Variants in ATP6AP2 observed in about 807,000 individuals in gnomAD.
ATP6AP2 encodes renin receptor.
A neutral mutation model predicts 23.4 loss-of-function variants in ATP6AP2; 1 was observed. That is an observed-to-expected ratio of 0.04 (90% CI 0.02 to 0.20). The LOEUF (loss-of-function observed/expected upper bound fraction) is 0.20. Ranked by LOEUF, ATP6AP2 falls within the 10% of genes least tolerant of loss-of-function variation. The pLI, the probability that ATP6AP2 is intolerant of heterozygous loss-of-function variation, is 1.00. For synonymous variants in ATP6AP2, 90 were observed against 97.1 expected (o/e 0.93, Z 0.43); for missense variants, 174 against 271.3 (o/e 0.64, Z 2.52).
In ATP6AP2 at chrX:40,605,682, A is replaced by G. The variant is rs183052805; in HGVS notation, c.980A>G (p.Asn327Ser). 64 of 1,207,710 alleles carry G rather than the reference A, an allele frequency of 5.3e-5. No homozygotes were observed. The highest frequency in any genetic ancestry group is 6.8e-5 in the Non-Finnish European group (61 of 893,126). ...LALAVIITSY[N>S]IWNMDPGYDS... ...TTGGCTGTGATTATCACCTCTTACA[A>G]TATTTGGAACATGGATCCTGGATAT... Residue 327 changes from asparagine (N) to serine (S), a missense_variant, in exon 9 of 9, where the codon AAT (asparagine) becomes AGT (serine). By Grantham distance (46) the Asn-to-Ser change is conservative (BLOSUM62 1). Coordinates refer to ENST00000636580, the MANE Select transcript of ATP6AP2 (RefSeq NM_005765.3).
chrX:40,600,811 T>C lies in ATP6AP2; in HGVS notation c.788T>C (p.Leu263Ser). The C allele has an allele frequency of 8.3e-7, 1 of 1,206,889 alleles. No individual in the cohort carries two copies. Residue 263 changes from leucine to serine, a missense_variant, in exon 8 of 9, where the codon TTA becomes TCA. By Grantham distance (145) the Leu-to-Ser change is moderately radical. Transcript: ENST00000636580. ...TATGGTGGGAATGCAGTGGTAGAGT[T>C]AGTCACTGTCAAGTCATTTGACACC... ...SLYGGNAVVELVTVKSFDTSL... is the reference protein window; with the variant it reads ...SLYGGNAVVESVTVKSFDTSL...
At chrX:40,581,249 T>A in intron 1 of ATP6AP2, 147 bp downstream of exon 1, 1 of 657,585 alleles carries the variant, frequency 1.5e-6, no homozygotes, top group Non-Finnish European at 2.1e-6. Context: ...CGCGTCCCCG[T>A]CAGCATCTTC....
intron 3 of ATP6AP2, 126 bp from the exon 4 acceptor site, chrX:40,597,123 C>T (rs1396387020): frequency 4.9e-5 from 27 of 551,364 alleles, no homozygotes; most frequent in Admixed American, 2.1e-4. Flanking sequence ...GAAATGATTT[C>T]GGGCTTCTAA....
chrX:40,602,718 A>G (rs928281247), intron 8 of ATP6AP2, among the ~76,000 whole-genome samples: 1 of 106,773 alleles, frequency 9.4e-6, no homozygotes, highest in Non-Finnish European at 1.9e-5. Context: ...TGGGTCACCA[A>G]GAGTCCTTTG....
chrX:40,592,758 AT>A (rs573173496), intron 3 of ATP6AP2, among the ~76,000 whole-genome samples: 468 of 102,493 alleles, frequency 4.6e-3, no homozygotes, highest in Non-Finnish European at 7.4e-3. Flanking sequence ...AAGTTTTGGG[AT>A]TTTTTTTTTT....
At chrX:40,581,507 T>C (rs752913279) in intron 1 of ATP6AP2, among the ~76,000 whole-genome samples, 1 of 113,173 alleles carries the variant, frequency 8.8e-6, no homozygotes, top group Non-Finnish European at 1.9e-5. Context: ...TGTTTTTGCA[T>C]TTGTATGGTG....
intron 3 of ATP6AP2, among the ~76,000 whole-genome samples, chrX:40,595,472 A>G (rs962673000): frequency 2.7e-5 from 3 of 112,561 alleles, no homozygotes; most frequent in East Asian, 2.8e-4. Context: ...TAAGCAGCCA[A>G]GCTTTTTACT....
Position 40,588,922 on chromosome X carries a change from A to G in ATP6AP2, c.38-64A>G, listed in dbSNP as rs979922936. The G allele has an allele frequency of 2.7e-5, 30 of 1,117,590 alleles. No homozygotes were observed. The African/African-American group carries it at 5.2e-4, about 20-fold the overall frequency. 92.1% of individuals were successfully genotyped at this position (1,117,590 alleles called of 1,213,427 possible). A position where few individuals can be genotyped will look rare whatever the true frequency, so the allele number is the denominator to read the frequency against. ...AATGGGGAAACATGTATTATATTTAATAATTGTCAAGGTAAATGATTTATG... is the reference window on the plus strand; with the variant it reads ...AATGGGGAAACATGTATTATATTTAGTAATTGTCAAGGTAAATGATTTATG... On this transcript the variant is annotated intron_variant, in intron 1 of 8. Coordinates refer to ENST00000636580, the MANE Select transcript of ATP6AP2 (RefSeq NM_005765.3).
chrX:40,589,407 T>G, intron 2 of ATP6AP2: 2 of 252,720 alleles, frequency 7.9e-6, no homozygotes, highest in Non-Finnish European at 1.4e-5. Flanking sequence ...CCATTTGTAG[T>G]TGGGAAGATT....
intron 8 of ATP6AP2, 120 bp from the exon 9 acceptor site, chrX:40,605,441 G>C: frequency 1.6e-6 from 1 of 642,120 alleles, no homozygotes; most frequent in Non-Finnish European, 2.4e-6. Flanking sequence ...AGTATAAGTA[G>C]CTGTTATGCC....
At chrX:40,591,770 AC>A in intron 3 of ATP6AP2, 1 of 197,811 alleles carries the variant, frequency 5.1e-6, no homozygotes, top group Non-Finnish European at 9.4e-6. Context: ...TGGCTCACTT[AC>A]TCCTTCACTG....
At chrX:40,591,585 A>G (rs1181265158) in intron 3 of ATP6AP2, 6 of 404,249 alleles carry the variant, frequency 1.5e-5, no homozygotes, top group South Asian at 3.5e-5. Flanking sequence ...ACTGTTTAAG[A>G]TAAGAGATAG....
At chrX:40,582,035 G>A (rs187758445) in intron 1 of ATP6AP2, among the ~76,000 whole-genome samples, 1 of 112,109 alleles carries the variant, frequency 8.9e-6, no homozygotes, top group Admixed American at 9.5e-5. Flanking sequence ...ATGTGGGAGT[G>A]ATGGGGACTG....
At chrX:40,604,292 G>A (rs1239574004) in intron 8 of ATP6AP2, among the ~76,000 whole-genome samples, 5 of 111,745 alleles carry the variant, frequency 4.5e-5, no homozygotes, top group Admixed American at 1.9e-4. Flanking sequence ...ACCTGACACT[G>A]GGTAATTTAT....
In ATP6AP2 at chrX:40,581,588, C is replaced by T. The variant is rs903210358; in HGVS notation, c.37+486C>T. Among the ~76,000 whole-genome samples the T allele has an allele frequency of 4.5e-5, 5 of 112,289 alleles. No homozygotes were observed. The South Asian group carries it at 1.1e-3, about 24-fold the overall frequency. ...CCCTCCCTTCCCTTATGTATATTTC[C>T]GGATGCAAAAGTTGAGATGGAGTCA... On this transcript the variant is annotated intron_variant, in intron 1 of 8. Coordinates refer to ENST00000636580, the MANE Select transcript of ATP6AP2 (RefSeq NM_005765.3).
Position 40,589,062 on chromosome X carries a change from A to G in ATP6AP2, c.114A>G (p.Pro38=), listed in dbSNP as rs1926554116. The change falls in exon 2 of 9, where the codon CCA becomes CCG. Residue 38 remains proline, a synonymous_variant. Transcript: ENST00000636580. ...VVFRNGNWPI[P]GERIPDVAAL... ...TCCGAAATGGAAATTGGCCTATACC[A>G]GGAGAGCGGATCCCAGACGTGGCTG... is the stretch of plus-strand genomic sequence containing the variant. The G allele has an allele frequency of 8.3e-7, 1 of 1,209,761 alleles. No homozygotes were observed. The highest frequency in any genetic ancestry group is 2.7e-4 in the Middle Eastern group (1 of 3,757).
intron 2 of ATP6AP2, 187 bp from the exon 3 acceptor site, chrX:40,591,047 A>G: frequency 2.2e-6 from 1 of 458,096 alleles, no homozygotes; most frequent in Non-Finnish European, 3.6e-6. Flanking sequence ...GAAAATGAAG[A>G]GGGTAGAAAT....
intron 5 of ATP6AP2, chrX:40,598,470 C>A: frequency 2.3e-6 from 1 of 430,059 alleles, no homozygotes; most frequent in South Asian, 3.7e-5. Flanking sequence ...GTGGCAGTCA[C>A]TGTGCTAGGG....
At chrX:40,585,964 G>T (rs772330661) in intron 1 of ATP6AP2, among the ~76,000 whole-genome samples, 2 of 112,219 alleles carry the variant, frequency 1.8e-5, no homozygotes, top group Non-Finnish European at 3.8e-5. Flanking sequence ...TTCTTCCTCT[G>T]AAGGGGAGCA....
Sources: allele counts gnomAD v4.1 joint callset (sites outside exome capture counted in the v4.1 genomes callset), GRCh38; gene constraint gnomAD v4.1.1; transcripts MANE v1.5; gene names NCBI Gene and HGNC (gene_info 2026-07-23, HGNC 2026-07-21).